Variants in LRCH4 observed in about 807,000 individuals in gnomAD.
LRCH4 encodes the protein leucine-rich repeat and calponin homology domain-containing protein 4.
In LRCH4, 56 loss-of-function variants were observed where a neutral mutation model predicts 81.2. The observed-to-expected ratio is 0.69, with a 90% confidence interval of 0.56 to 0.86. LRCH4 has a LOEUF of 0.86. LRCH4 is among the 40% of genes least tolerant of loss of function. The probability of loss-of-function intolerance (pLI) is 0.00; values close to 1 mark genes in which losing one functional copy is unlikely to be tolerated. For synonymous variants in LRCH4, 442 were observed against 409.7 expected (o/e 1.08, Z -0.95); for missense variants, 895 against 922.8 (o/e 0.97, Z 0.39).
Position 100,574,821 on chromosome 7 carries a change from C to G in LRCH4, c.*286G>C. 5.5e-6 allele frequency: 2 copies of G among 361,094 alleles called. No individual in the cohort carries two copies. The highest frequency in any genetic ancestry group is 1.0e-5 in the Non-Finnish European group (2 of 197,688). The allele number at this position is 361,094 out of a possible 1,614,324, so 22.4% of individuals were successfully genotyped here. On this transcript the variant is annotated 3_prime_UTR_variant, in exon 18 of 18. Transcript: ENST00000310300. ...AGGAGGAAGGGGGAGACTCCAGCTC[C>G]TGCCACCCCTCACGGGGTACAGAGG...
chr7:100,577,321 C>T lies in LRCH4; in HGVS notation c.1247G>A (p.Arg416Gln), dbSNP rs776051139. The T allele has an allele frequency of 1.2e-5, 19 of 1,598,014 alleles. No individual in the cohort carries two copies. Among genetic ancestry groups the T allele is most frequent in the East Asian group, 6.7e-5 (3 of 44,770 alleles). ...CGCCCCGCTCTGCTGCTGCTGCCGC[C>T]GTTCCCGCTCCTGCCACAGCTGCAA... ...DTLQLWQERERRQQQQSGAWG... is the reference protein window; with the variant it reads ...DTLQLWQEREQRQQQQSGAWG... The change falls in exon 11 of 18, where the codon CGG (arginine) becomes CAG (glutamine). Residue 416 changes from arginine (R) to glutamine (Q), a missense_variant. Arg to Gln is a conservative substitution (Grantham distance 43). Around this residue, in one of 3 missense-constraint regions of LRCH4, gnomAD observed 529 missense variants for 504.9 expected, o/e 1.05. Transcript: ENST00000310300. The surrounding 1 kb of genome is among the most constrained non-coding windows in gnomAD (Gnocchi z 6.7).
chr7:100,584,924 C>T (rs1266258077), intron 1 of LRCH4: 5 of 374,954 alleles, frequency 1.3e-5, no homozygotes, highest in African/African-American at 1.1e-4. Context: ...CTGATCCCCA[C>T]CCCCAGCTGC....
chr7:100,575,324 G>C lies in LRCH4; in HGVS notation c.1855-20C>G. 1 of 1,525,654 alleles carries C rather than the reference G, an allele frequency of 6.6e-7. No homozygotes were observed. Among genetic ancestry groups the C allele is most frequent in the Non-Finnish European group, 8.8e-7 (1 of 1,131,288 alleles). 94.5% of individuals were successfully genotyped at this position (1,525,654 alleles called of 1,614,324 possible). The stretch of plus-strand genomic sequence containing the variant: ...GTCAGCCTGGGGGAGAGGAGAGCAG[G>C]TGGACAAGGACAAGGGACAGACGTC... On this transcript the variant is annotated intron_variant, in intron 17 of 17. Transcript: ENST00000310300. This position sits in a 1 kb window ranked among gnomAD's most constrained non-coding sequence, Gnocchi z 5.3.
intron 4 of LRCH4, 134 bp downstream of exon 4, chr7:100,581,642 TC>T: frequency 1.4e-6 from 1 of 727,836 alleles, no homozygotes; most frequent in Non-Finnish European, 2.3e-6. Context: ...ATCCTGAACT[TC>T]AGCTTCCAGA....
Position 100,576,284 on chromosome 7 carries a change from T to C in LRCH4, c.1592A>G (p.Tyr531Cys). ...GTCCTTCTCATCTGGAACCTGGGGGTACCGCCGAGGTCTCAGGACAGAGTC... is the reference window on the plus strand; with the variant it reads ...GTCCTTCTCATCTGGAACCTGGGGGCACCGCCGAGGTCTCAGGACAGAGTC... ...SPDSVLRPRR[Y>C]PQVPDEKDLM... is the part of the protein sequence containing the mutation. Residue 531 changes from tyrosine to cysteine, a missense_variant, in exon 15 of 18, where the codon TAC (tyrosine) becomes TGC (cysteine). Tyr to Cys is a radical substitution (Grantham distance 194). Coordinates refer to ENST00000310300, the MANE Select transcript of LRCH4 (RefSeq NM_002319.5). 6.2e-7 allele frequency: 1 copy of C among 1,614,044 alleles called. No homozygotes were observed. The highest frequency in any genetic ancestry group is 8.5e-7 in the Non-Finnish European group (1 of 1,180,004).
At chr7:100,584,147 C>G (rs1801643580) in intron 1 of LRCH4, 3 of 456,590 alleles carry the variant, frequency 6.6e-6, no homozygotes, top group Non-Finnish European at 1.3e-5. Context: ...GTCCGGGCAG[C>G]AAGGCACTGA....
At chr7:100,581,576 G>A (rs757119387) in intron 4 of LRCH4, 15 of 546,850 alleles carry the variant, frequency 2.7e-5, no homozygotes, top group Middle Eastern at 4.5e-4. Context: ...ACAAGGAGCC[G>A]GCAGTCTGCA....
At position 100,577,538 on chromosome 7, in the gene LRCH4, T is replaced by C; in HGVS notation, c.1137A>G (p.Leu379=). ...TCTCCCTGTCCCCTGCCCCAGGGCT[T>C]AATTCGGGTGGTCGCTGCTCCTAAG... is the stretch of plus-strand genomic sequence containing the variant. The part of the protein sequence containing the change: ...GTVEEQRPPE[L]SPGAGDRERA... The change falls in exon 10 of 18, where the codon TTA becomes TTG. Residue 379 remains leucine, a synonymous_variant. Coordinates refer to ENST00000310300, the MANE Select transcript of LRCH4 (RefSeq NM_002319.5). The surrounding 1 kb of genome is among the most constrained non-coding windows in gnomAD (Gnocchi z 6.7). The C allele has an allele frequency of 6.2e-7, 1 of 1,610,670 alleles. No individual in the cohort carries two copies. Among genetic ancestry groups the C allele is most frequent in the Non-Finnish European group, 8.5e-7 (1 of 1,179,944 alleles).
Position 100,575,909 on chromosome 7 carries a change from G to A in LRCH4, c.1738C>T (p.Arg580Cys), listed in dbSNP as rs758301066. Reference sequence around the variant, plus strand: ...GGCACATGGATGAAGGGCACGGAGCGCGGCCGTAGCTGGTTGGCCAGCTGG... The same window carrying A: ...GGCACATGGATGAAGGGCACGGAGCACGGCCGTAGCTGGTTGGCCAGCTGG... The part of the protein sequence containing the change: ...LCQLANQLRP[R>C]SVPFIHVPSP... The change falls in exon 16 of 18, where the codon CGC (arginine) becomes TGC (cysteine). Residue 580 changes from arginine (R) to cysteine (C), a missense_variant. This residue lies in a region of LRCH4 where 529 missense variants were observed against 504.9 expected (regional missense o/e 1.05). Transcript: ENST00000310300. This position sits in a 1 kb window ranked among gnomAD's most constrained non-coding sequence, Gnocchi z 5.3. 3.1e-6 allele frequency: 5 copies of A among 1,612,848 alleles called. No homozygotes were observed. Among genetic ancestry groups the A allele is most frequent in the East Asian group, 2.2e-5 (1 of 44,858 alleles).
chr7:100,578,344 C>T lies in LRCH4; in HGVS notation c.848+55G>A. 1.9e-6 allele frequency: 3 copies of T among 1,601,186 alleles called. No homozygotes were observed. The highest frequency in any genetic ancestry group is 8.6e-7 in the Non-Finnish European group (1 of 1,168,534). The stretch of plus-strand genomic sequence containing the variant: ...GCCAGAAAGCAGGGGGTGCCTGGGG[C>T]CGGGAAGGGGCATTCAGTATCCCAG... On this transcript the variant is annotated intron_variant, in intron 6 of 17. Transcript: ENST00000310300. This position sits in a 1 kb window ranked among gnomAD's most constrained non-coding sequence, Gnocchi z 5.7.
At position 100,575,786 on chromosome 7, in the gene LRCH4, G is replaced by C. The variant is rs1043082707; in HGVS notation, c.1777-4C>G. 1.9e-6 allele frequency: 3 copies of C among 1,607,894 alleles called. No homozygotes were observed. The highest frequency in any genetic ancestry group is 3.3e-5 in the Admixed American group (2 of 59,736). ...CCTTGAGGGCACTGAGTTTTGGCTGGGGTGGGTGAAAGAAGAAAATGTGGT... is the reference window on the plus strand; with the variant it reads ...CCTTGAGGGCACTGAGTTTTGGCTGCGGTGGGTGAAAGAAGAAAATGTGGT... On this transcript the variant is annotated splice_polypyrimidine_tract_variant and splice_region_variant and intron_variant, in intron 16 of 17. Coordinates refer to ENST00000310300, the MANE Select transcript of LRCH4 (RefSeq NM_002319.5). This position sits in a 1 kb window ranked among gnomAD's most constrained non-coding sequence, Gnocchi z 5.3.
Position 100,576,788 on chromosome 7 carries a change from A to C in LRCH4, c.1469-11T>G. On this transcript the variant is annotated splice_polypyrimidine_tract_variant and intron_variant, in intron 13 of 17. Transcript: ENST00000310300. ...GAGCAGGTGCTGTCGCTGGGGCCGG[A>C]ACCAGGGACACAGCGACAGGGGCAG... 6.3e-7 allele frequency: 1 copy of C among 1,579,796 alleles called. No individual in the cohort carries two copies. The highest frequency in any genetic ancestry group is 1.3e-5 in the African/African-American group (1 of 74,418).
intron 1 of LRCH4, chr7:100,584,963 G>GGTCATAGCTGCCGGCCCAAGGTCA: frequency 2.8e-6 from 1 of 361,682 alleles, no homozygotes; most frequent in Non-Finnish European, 5.5e-6. Flanking sequence ...TGCCTCCTGA[G>GGTCATAGCTGCCGGCCCAAGGTCA]TAGCTGAGGC....
At position 100,576,046 on chromosome 7, in the gene LRCH4, G is replaced by C. The variant is rs201279861; in HGVS notation, c.1639-38C>G. On this transcript the variant is annotated intron_variant, in intron 15 of 17. Coordinates refer to ENST00000310300, the MANE Select transcript of LRCH4 (RefSeq NM_002319.5). The stretch of plus-strand genomic sequence containing the variant: ...ACCACATAGAGCAGGGGTCAGGGAA[G>C]GAGAGGCGTCTGGGAGGCAGGGAGA... 3.8e-6 allele frequency: 6 copies of C among 1,578,050 alleles called. No homozygotes were observed. In the Admixed American group the frequency reaches 8.8e-5, roughly 23 times the overall value.
At chr7:100,580,567 CACA>C (rs1801507279) in intron 4 of LRCH4, 1 of 149,716 alleles carries the variant, frequency 6.7e-6, no homozygotes, top group African/African-American at 2.5e-5. Context: ...ACACACACAA[CACA>C]TACAACACAC....
At position 100,574,950 on chromosome 7, in the gene LRCH4, G is replaced by A; in HGVS notation, c.*157C>T. The A allele has an allele frequency of 1.4e-6, 1 of 701,288 alleles. No homozygotes were observed. Among genetic ancestry groups the A allele is most frequent in the Non-Finnish European group, 2.4e-6 (1 of 424,662 alleles). The allele number at this position is 701,288 out of a possible 1,614,324, so 43.4% of individuals were successfully genotyped here. A position where few individuals can be genotyped will look rare whatever the true frequency, so the allele number is the denominator to read the frequency against. On this transcript the variant is annotated 3_prime_UTR_variant, in exon 18 of 18. Coordinates refer to ENST00000310300, the MANE Select transcript of LRCH4 (RefSeq NM_002319.5). The stretch of plus-strand genomic sequence containing the variant: ...CCAGAGGCTGGGGGCCCAGGGTCTG[G>A]GGGCACCAGAGTGGGGCCTCTGAGG...
chr7:100,576,849 A>G (rs1388124991), intron 13 of LRCH4, 53 bp downstream of exon 13: 8 of 1,539,370 alleles, frequency 5.2e-6, no homozygotes, highest in Non-Finnish European at 7.0e-6. Flanking sequence ...CCTCTCTCCC[A>G]ACCAGCCCTC....
rs767677451 is a variant in LRCH4 at position 100,582,283 on chromosome 7, G to A, written c.365+32C>T. 31 of 1,613,806 alleles carry A rather than the reference G, an allele frequency of 1.9e-5. No individual in the cohort carries two copies. Among genetic ancestry groups the A allele is most frequent in the Admixed American group, 1.5e-4 (9 of 60,010 alleles). On this transcript the variant is annotated intron_variant, in intron 2 of 17. Coordinates refer to ENST00000310300, the MANE Select transcript of LRCH4 (RefSeq NM_002319.5). The surrounding 1 kb of genome is among the most constrained non-coding windows in gnomAD (Gnocchi z 5.0). ...TAGTACTTGAGACTGAGAAGCACACGCTCCCACGTGGCCCTGGCTCGGCCT... is the reference window on the plus strand; with the variant it reads ...TAGTACTTGAGACTGAGAAGCACACACTCCCACGTGGCCCTGGCTCGGCCT...
chr7:100,580,129 G>A (rs1015045175), intron 4 of LRCH4: 23 of 152,182 alleles, frequency 1.5e-4, no homozygotes, highest in African/African-American at 5.1e-4. Context: ...CCCATGCTTT[G>A]CACATGCTGG....
Sources: allele counts gnomAD v4.1 joint callset, GRCh38; gene constraint gnomAD v4.1.1; regional missense constraint gnomAD v4.1.1; non-coding constraint Gnocchi (gnomAD v3.1); transcripts MANE v1.5; gene names NCBI Gene and HGNC (gene_info 2026-07-23, HGNC 2026-07-21).